Variants in CDH2 observed in about 807,000 individuals in gnomAD.
CDH2 encodes the protein cadherin 2.
In CDH2, 17 loss-of-function variants were observed where a neutral mutation model predicts 92.0. The observed-to-expected ratio is 0.18, with a 90% confidence interval of 0.13 to 0.28. The LOEUF (loss-of-function observed/expected upper bound fraction) is 0.28. Among genes scored for constraint, CDH2 ranks in the 10% least tolerant of loss-of-function variants. CDH2 has a pLI of 1.00. For missense variants in CDH2, 862 were observed against 1,133.1 expected (o/e 0.76, Z 3.44); for synonymous variants, 419 against 415.9 (o/e 1.01, Z -0.09).
At chr18:28,009,959 T>C in intron 4 of CDH2, 87 bp from the exon 5 acceptor site, 1 of 1,030,256 alleles carries the variant, frequency 9.7e-7, no homozygotes, top group Non-Finnish European at 1.4e-6. Flanking sequence ...CATGCCCTTT[T>C]TCAGCTACAA....
intron 2 of CDH2, among the ~76,000 whole-genome samples, chr18:28,128,185 T>C (rs2144286036): frequency 6.6e-6 from 1 of 152,294 alleles, no homozygotes; most frequent in African/African-American, 2.4e-5. Flanking sequence ...TGTCAGTTTT[T>C]CAAGTGTATA....
chr18:28,011,606 C>T (rs566421229), intron 4 of CDH2, among the ~76,000 whole-genome samples: 2 of 152,158 alleles, frequency 1.3e-5, no homozygotes, highest in Non-Finnish European at 1.5e-5. Flanking sequence ...ACAAACTGAA[C>T]AAGCTTTCTA....
chr18:28,171,721 G>A (rs1183516819), intron 1 of CDH2, among the ~76,000 whole-genome samples: 1 of 152,154 alleles, frequency 6.6e-6, no homozygotes, highest in Non-Finnish European at 1.5e-5. Context: ...ATGTGTTTGA[G>A]ATATTTTTTA....
chr18:28,116,146 G>T (rs1322231563), intron 2 of CDH2, among the ~76,000 whole-genome samples: 2 of 152,188 alleles, frequency 1.3e-5, no homozygotes, highest in African/African-American at 4.8e-5. Context: ...ATACATCAAA[G>T]AATTATCTGG....
intron 2 of CDH2, among the ~76,000 whole-genome samples, chr18:28,122,448 G>A (rs766757035): frequency 1.3e-4 from 19 of 151,646 alleles, no homozygotes; most frequent in Non-Finnish European, 2.2e-4. Context: ...TGTAATCTTC[G>A]GTATTTCAAA....
intron 7 of CDH2, among the ~76,000 whole-genome samples, chr18:27,998,270 G>A (rs1219176962): frequency 2.0e-5 from 3 of 152,192 alleles, no homozygotes; most frequent in Non-Finnish European, 4.4e-5. Flanking sequence ...CTTTTATTGA[G>A]TTTGAGCACT....
chr18:28,070,036 C>T (rs17494297), intron 2 of CDH2, among the ~76,000 whole-genome samples: 1,949 of 152,174 alleles, frequency 0.013, 52 homozygotes, highest in African/African-American at 0.045. Flanking sequence ...CTAGGAAACA[C>T]GGCAACTAAC....
At chr18:28,158,273 A>C (rs552003872) in intron 1 of CDH2, among the ~76,000 whole-genome samples, 1 of 152,366 alleles carries the variant, frequency 6.6e-6, no homozygotes, top group Non-Finnish European at 1.5e-5. Flanking sequence ...CAGAGTTCAA[A>C]GCCTTTCCTG....
rs183610104 is a variant in CDH2 at position 28,036,648 on chromosome 18, C to G, written c.173-22739G>C. 3 of 804,942 alleles carry G rather than the reference C, an allele frequency of 3.7e-6. No homozygotes were observed. In the East Asian group the frequency reaches 7.4e-5, roughly 20 times the overall value. 49.9% of individuals were successfully genotyped at this position (804,942 alleles called of 1,614,324 possible). ...CAGGGATAAAGTTCTTTTGAGCTGACGGAAATGCCGATGCAGCTTTTTATA... is the reference window on the plus strand; with the variant it reads ...CAGGGATAAAGTTCTTTTGAGCTGAGGGAAATGCCGATGCAGCTTTTTATA... On this transcript the variant is annotated intron_variant, in intron 2 of 15. Transcript: ENST00000269141.
At chr18:27,972,482 T>C (rs2011690505) in intron 14 of CDH2, among the ~76,000 whole-genome samples, 1 of 152,194 alleles carries the variant, frequency 6.6e-6, no homozygotes, top group African/African-American at 2.4e-5. Context: ...GTCCATTTCA[T>C]GGAGTCATCA....
chr18:28,132,837 G>C (rs565592173), intron 2 of CDH2, among the ~76,000 whole-genome samples: 1 of 152,136 alleles, frequency 6.6e-6, no homozygotes, highest in Non-Finnish European at 1.5e-5. Context: ...ATCCATAACT[G>C]CTTAATTCTC....
chr18:27,947,198 A>C (rs1909289447), downstream of CDH2, among the ~76,000 whole-genome samples: 1 of 151,830 alleles, frequency 6.6e-6, no homozygotes, highest in Non-Finnish European at 1.5e-5. Context: ...ACAGTAAAAT[A>C]AGACAGTAAC....
intron 2 of CDH2, among the ~76,000 whole-genome samples, chr18:28,017,483 C>CTTATT (rs1159669423): frequency 1.3e-5 from 2 of 152,004 alleles, no homozygotes; most frequent in African/African-American, 4.8e-5. Context: ...TCTAATTGAG[C>CTTATT]TTATTTGGAT....
chr18:28,006,111 G>A, intron 5 of CDH2, 118 bp from the exon 6 acceptor site: 1 of 761,500 alleles, frequency 1.3e-6, no homozygotes. Context: ...AACAAAAGCG[G>A]TTCTTCCCAT....
intron 14 of CDH2, among the ~76,000 whole-genome samples, chr18:27,967,235 C>G (rs1252681844): frequency 6.6e-6 from 1 of 152,166 alleles, no homozygotes; most frequent in African/African-American, 2.4e-5. Context: ...TGATGGCAGG[C>G]AGCGTGTGGA....
At chr18:27,983,646 G>A (rs1026562135) in intron 13 of CDH2, among the ~76,000 whole-genome samples, 1 of 152,180 alleles carries the variant, frequency 6.6e-6, no homozygotes, top group African/African-American at 2.4e-5. Flanking sequence ...AGCTAAGAAA[G>A]CTAGGGGATT....
intron 1 of CDH2, among the ~76,000 whole-genome samples, chr18:28,151,236 T>C (rs1394756568): frequency 3.3e-5 from 5 of 152,200 alleles, no homozygotes; most frequent in Non-Finnish European, 5.9e-5. Context: ...TCTACAACAG[T>C]AGCTCTCAAT....
rs141627986 is a variant in CDH2, at chr18:28,101,197, T to C, written c.172+46476A>G. Reference sequence around the variant, plus strand: ...TGGCTTAAATAACTTTCTAGTTGCATTGGCTCTAGAACACCTTAGCAGTTT... The same window carrying C: ...TGGCTTAAATAACTTTCTAGTTGCACTGGCTCTAGAACACCTTAGCAGTTT... On this transcript the variant is annotated intron_variant, in intron 2 of 15. Coordinates refer to ENST00000269141, the MANE Select transcript of CDH2 (RefSeq NM_001792.5). Among the ~76,000 whole-genome samples, 316 of 152,268 alleles carry C rather than the reference T, an allele frequency of 2.1e-3. 2 individuals carry two copies. The highest frequency in any genetic ancestry group is 7.1e-3 in the African/African-American group (296 of 41,554).
At chr18:28,026,981 T>C (rs1279366339) in intron 2 of CDH2, among the ~76,000 whole-genome samples, 7 of 152,118 alleles carry the variant, frequency 4.6e-5, no homozygotes, top group African/African-American at 2.4e-5. Context: ...CATTTAAAAG[T>C]TGATGCCCTC....
Sources: gnomAD v4.1 joint callset for allele counts (sites outside exome capture counted in the v4.1 genomes callset) on GRCh38, gnomAD v4.1.1 for gene constraint, MANE v1.5 for transcripts, NCBI Gene and HGNC (gene_info 2026-07-23, HGNC 2026-07-21) for gene names.